Variants in PRKG2 observed in about 807,000 individuals in gnomAD.
PRKG2 encodes the protein protein kinase cGMP-dependent 2.
In PRKG2, 33 loss-of-function variants were observed where a neutral mutation model predicts 97.2. The ratio of observed to expected loss-of-function variants is 0.34; its 90% CI spans 0.26 to 0.45. The LOEUF (loss-of-function observed/expected upper bound fraction) is 0.45. Ranked by LOEUF, PRKG2 falls within the 20% of genes least tolerant of loss-of-function variation. The probability of loss-of-function intolerance (pLI) is 1.00; values close to 1 mark genes in which losing one functional copy is unlikely to be tolerated. For synonymous variants in PRKG2, 330 were observed against 321.8 expected (o/e 1.03, Z -0.27); for missense variants, 638 against 900.0 (o/e 0.71, Z 3.73).
chr4:81,091,771 C>T (rs146706636), intron 18 of PRKG2, among the ~76,000 whole-genome samples: 2 of 152,258 alleles, frequency 1.3e-5, no homozygotes, highest in East Asian at 1.9e-4. Context: ...ATTCCTGAGT[C>T]ATTCTTCCTC....
In PRKG2 at chr4:81,130,892, C is replaced by T. The variant is rs182720996; in HGVS notation, c.1776+4263G>A. Among the ~76,000 whole-genome samples, 518 of 152,298 alleles carry T rather than the reference C, an allele frequency of 3.4e-3. 2 individuals are homozygous for T. The highest frequency in any genetic ancestry group is 0.014 in the Middle Eastern group (4 of 294). ...ACTGCTGTGCTGGCAGGGAGAATTTCAAACCAGTGAATCTTAGCTTGCTTG... is the reference window on the plus strand; with the variant it reads ...ACTGCTGTGCTGGCAGGGAGAATTTTAAACCAGTGAATCTTAGCTTGCTTG... On this transcript the variant is annotated intron_variant, in intron 14 of 18. Coordinates refer to ENST00000264399, the MANE Select transcript of PRKG2 (RefSeq NM_006259.3).
downstream of PRKG2, chr4:81,087,371 G>A (rs912796729): frequency 3.3e-5 from 5 of 151,898 alleles, 1 homozygote; most frequent in South Asian, 6.2e-4. Flanking sequence ...CTCATACACC[G>A]AAGTTTTTGG....
chr4:81,185,825 A>C (rs1751832821), intron 2 of PRKG2, among the ~76,000 whole-genome samples: 1 of 152,242 alleles, frequency 6.6e-6, no homozygotes, highest in Non-Finnish European at 1.5e-5. Context: ...TTGCAATCAT[A>C]GTCTCTGATA....
At chr4:81,135,656 T>A (rs1232096863) in intron 13 of PRKG2, among the ~76,000 whole-genome samples, 1 of 152,204 alleles carries the variant, frequency 6.6e-6, no homozygotes, top group Admixed American at 6.5e-5. Context: ...AACCAGACTT[T>A]TGCAACTTAT....
intron 18 of PRKG2, among the ~76,000 whole-genome samples, chr4:81,090,242 C>T (rs929458502): frequency 2.0e-5 from 3 of 151,990 alleles, no homozygotes; most frequent in Non-Finnish European, 4.4e-5. Context: ...CCTGTGATCC[C>T]ATCTACTTTG....
intron 14 of PRKG2, among the ~76,000 whole-genome samples, chr4:81,130,882 G>C (rs753356812): frequency 1.3e-5 from 2 of 152,308 alleles, no homozygotes; most frequent in South Asian, 4.1e-4. Context: ...TGTGCTGGCA[G>C]GGAGAATTTC....
intron 6 of PRKG2, among the ~76,000 whole-genome samples, chr4:81,163,620 AATG>A (rs1425183463): frequency 6.6e-6 from 1 of 152,112 alleles, no homozygotes; most frequent in Non-Finnish European, 1.5e-5. Context: ...CTGTAAACAA[AATG>A]TTCATTCTGT....
At position 81,153,338 on chromosome 4, in the gene PRKG2, A is replaced by C. The variant is rs539707266; in HGVS notation, c.990+306T>G. On this transcript the variant is annotated intron_variant, in intron 7 of 18. Coordinates refer to ENST00000264399, the MANE Select transcript of PRKG2 (RefSeq NM_006259.3). ...TGGAATCTGGGGATGATTGAGAATCACATAGTCATAGCCAGAAGGGACCTT... is the reference window on the plus strand; with the variant it reads ...TGGAATCTGGGGATGATTGAGAATCCCATAGTCATAGCCAGAAGGGACCTT... 9.4e-5 allele frequency: 20 copies of C among 213,398 alleles called. No individual in the cohort carries two copies. In the South Asian group the frequency reaches 2.0e-3, roughly 21 times the overall value. 13.2% of individuals were successfully genotyped at this position (213,398 alleles called of 1,614,324 possible). A position where few individuals can be genotyped will look rare whatever the true frequency, so the allele number is the denominator to read the frequency against.
intron 2 of PRKG2, among the ~76,000 whole-genome samples, chr4:81,186,062 A>C (rs1339832350): frequency 6.6e-6 from 1 of 152,170 alleles, no homozygotes; most frequent in African/African-American, 2.4e-5. Context: ...TAGACAGATC[A>C]ACAAGACAGA....
chr4:81,169,537 G>T, intron 5 of PRKG2, 126 bp downstream of exon 5: 1 of 693,454 alleles, frequency 1.4e-6, no homozygotes, highest in South Asian at 1.8e-5. Flanking sequence ...ATGTTCCTTT[G>T]GTTTAGTCAT....
intron 2 of PRKG2, among the ~76,000 whole-genome samples, chr4:81,200,360 C>T (rs1753226310): frequency 1.3e-5 from 2 of 152,280 alleles, no homozygotes; most frequent in South Asian, 2.1e-4. Context: ...TTCGCAATGT[C>T]CTTTTCTCAC....
intron 17 of PRKG2, among the ~76,000 whole-genome samples, chr4:81,093,004 C>T (rs939505822): frequency 1.3e-5 from 2 of 152,094 alleles, no homozygotes; most frequent in African/African-American, 2.4e-5. Flanking sequence ...CAACATGCCT[C>T]GGTTCAATAC....
chr4:81,140,317 A>G (rs1004540285), intron 12 of PRKG2, among the ~76,000 whole-genome samples: 2 of 152,232 alleles, frequency 1.3e-5, no homozygotes, highest in Non-Finnish European at 2.9e-5. Context: ...GATTGTTTGT[A>G]ACACAAAGGA....
intron 12 of PRKG2, among the ~76,000 whole-genome samples, chr4:81,139,357 G>A (rs1468183571): frequency 6.6e-6 from 1 of 152,014 alleles, no homozygotes; most frequent in African/African-American, 2.4e-5. Flanking sequence ...CATTAAGTCT[G>A]AATAAAATAA....
intron 14 of PRKG2, among the ~76,000 whole-genome samples, chr4:81,119,432 C>T (rs896386441): frequency 6.6e-6 from 1 of 152,152 alleles, no homozygotes; most frequent in African/African-American, 2.4e-5. Flanking sequence ...TTACATGGAT[C>T]TATTTCTGGG....
At position 81,134,731 on chromosome 4, in the gene PRKG2, AAACT is replaced by A. The variant is rs532063232; in HGVS notation, c.1776+420_1776+423del. ...ATCATCACCTCAAAATATTTCAAGA[AAACT>A]ACTAAAGTCTCTATGTTTATCTTCT... is the stretch of plus-strand genomic sequence containing the variant. On this transcript the variant is annotated intron_variant, in intron 14 of 18. Transcript: ENST00000264399. Among the ~76,000 whole-genome samples the A allele has an allele frequency of 4.3e-4, 66 of 152,254 alleles. 1 individual carries two copies. In the South Asian group the frequency reaches 0.011, roughly 26 times the overall value.
chr4:81,184,956 G>T (rs1311120861), intron 2 of PRKG2, among the ~76,000 whole-genome samples: 6 of 151,396 alleles, frequency 4.0e-5, no homozygotes, highest in Non-Finnish European at 7.4e-5. Flanking sequence ...AGAATGAAAA[G>T]GAATGAACAA....
At chr4:81,100,814 T>C (rs1250849379) in intron 17 of PRKG2, among the ~76,000 whole-genome samples, 1 of 152,072 alleles carries the variant, frequency 6.6e-6, no homozygotes, top group Admixed American at 6.6e-5. Context: ...TGCAATCTAC[T>C]CATCTGACAA....
Position 81,088,880 on chromosome 4 carries a change from A to G in PRKG2, c.*828T>C, listed in dbSNP as rs940003215. On this transcript the variant is annotated 3_prime_UTR_variant, in exon 19 of 19. Transcript: ENST00000264399. ...TCCTTTCTATTTACTGGGAGGCAAAAGCCTTCGCAATTTTGTTCCAGCACG... is the reference window on the plus strand; with the variant it reads ...TCCTTTCTATTTACTGGGAGGCAAAGGCCTTCGCAATTTTGTTCCAGCACG... The G allele has an allele frequency of 6.6e-6, 1 of 152,198 alleles. No homozygotes were observed. The highest frequency in any genetic ancestry group is 1.9e-4 in the East Asian group (1 of 5,198). The allele number at this position is 152,198 out of a possible 1,614,324, so 9.4% of individuals were successfully genotyped here. A position where few individuals can be genotyped will look rare whatever the true frequency, so the allele number is the denominator to read the frequency against.
Sources: allele counts gnomAD v4.1 joint callset (sites outside exome capture counted in the v4.1 genomes callset), GRCh38; gene constraint gnomAD v4.1.1; transcripts MANE v1.5; gene names NCBI Gene and HGNC (gene_info 2026-07-23, HGNC 2026-07-21).